The following PRRC2C variants were observed in gnomAD, a reference collection of about 807,000 sequenced individuals.
PRRC2C encodes protein PRRC2C.
In PRRC2C, 72 loss-of-function variants were observed where a neutral mutation model predicts 317.2. The observed-to-expected ratio is 0.23, with a 90% CI of 0.19 to 0.28. PRRC2C has a LOEUF of 0.28. Among genes scored for constraint, PRRC2C ranks in the 10% least tolerant of loss-of-function variants. PRRC2C has a pLI of 1.00. For synonymous variants in PRRC2C, 1,296 were observed against 1,205.9 expected (o/e 1.07, Z -1.55); for missense variants, 3,074 against 3,459.7 (o/e 0.89, Z 2.80).
At chr1:171,585,687 A>G (rs905980450) in intron 30 of PRRC2C, among the ~76,000 whole-genome samples, 28 of 152,318 alleles carry the variant, frequency 1.8e-4, no homozygotes, top group African/African-American at 6.5e-4. Flanking sequence ...ATTATTTGAC[A>G]TGTCCTGTGG....
At chr1:171,486,545 G>A (rs1418088922) in intron 1 of PRRC2C, among the ~76,000 whole-genome samples, 1 of 152,092 alleles carries the variant, frequency 6.6e-6, no homozygotes, top group Non-Finnish European at 1.5e-5. Context: ...TTAATTTAAA[G>A]GGATGTATGT....
chr1:171,524,753 G>T, intron 9 of PRRC2C, 68 bp from the exon 10 acceptor site: 4 of 1,406,368 alleles, frequency 2.8e-6, no homozygotes, highest in African/African-American at 1.5e-5. Context: ...TTTTTTAATT[G>T]CAAAAATAAT....
At chr1:171,533,596 G>A (rs1384368968) in intron 12 of PRRC2C, among the ~76,000 whole-genome samples, 6 of 151,978 alleles carry the variant, frequency 3.9e-5, no homozygotes, top group East Asian at 3.9e-4. Context: ...CAGGGTTTTC[G>A]TTTTTTGTTT....
chr1:171,507,400 C>G (rs1285911784), intron 1 of PRRC2C, among the ~76,000 whole-genome samples: 2 of 152,126 alleles, frequency 1.3e-5, no homozygotes, highest in Non-Finnish European at 2.9e-5. Context: ...CACCTGAGAT[C>G]AGGAGTTCAA....
At position 171,512,570 on chromosome 1, in the gene PRRC2C, G is replaced by GCT. The variant is rs531569414; in HGVS notation, c.112+370_112+371insCT. The GCT allele has an allele frequency of 2.4e-5, 6 of 251,884 alleles. 1 individual carries two copies. The highest frequency in any genetic ancestry group is 9.2e-5 in the African/African-American group (4 of 43,690). The allele number at this position is 251,884 out of a possible 1,614,324, so 15.6% of individuals were successfully genotyped here. A position where few individuals can be genotyped will look rare whatever the true frequency, so the allele number is the denominator to read the frequency against. On this transcript the variant is annotated intron_variant, in intron 2 of 34. Transcript: ENST00000647382. ...GAAAGTCTTATGTTTCGTGTGTGGG[G>GCT]GTGTGTGTGTGTGTGTGTTAGATAC... is the stretch of plus-strand genomic sequence containing the variant.
At position 171,540,661 on chromosome 1, in the gene PRRC2C, A is replaced by G. The variant is rs759725331; in HGVS notation, c.3195A>G (p.Pro1065=). The part of the protein sequence containing the change: ...TEKKDLPPPP[P]PPQPPAPIQP... ...AGAAGGATCTTCCTCCTCCCCCACC[A>G]CCACCTCAGCCACCAGCACCAATTC... Residue 1065 remains proline (P), a synonymous_variant, in exon 16 of 35, where the codon CCA becomes CCG. Coordinates refer to ENST00000647382, the MANE Select transcript of PRRC2C (RefSeq NM_001387844.1). The G allele has an allele frequency of 3.8e-5, 61 of 1,613,758 alleles. No homozygotes were observed. In the South Asian group the frequency reaches 6.7e-4, roughly 18 times the overall value.
intron 1 of PRRC2C, among the ~76,000 whole-genome samples, chr1:171,488,165 A>G (rs1666467980): frequency 6.6e-6 from 1 of 152,210 alleles, no homozygotes; most frequent in African/African-American, 2.4e-5. Flanking sequence ...TTTGGATGCT[A>G]TTTATGTCAT....
chr1:171,566,969 AAAG>A (rs1683778194), intron 22 of PRRC2C, 126 bp downstream of exon 22: 2 of 1,080,078 alleles, frequency 1.9e-6, no homozygotes, highest in Non-Finnish European at 2.5e-6. Context: ...TTATTTCCGC[AAAG>A]AAGATTTTGT....
chr1:171,545,733 A>ATTTATTTG, intron 17 of PRRC2C, 46 bp downstream of exon 17: 1 of 1,111,474 alleles, frequency 9.0e-7, no homozygotes, highest in Non-Finnish European at 1.2e-6. Flanking sequence ...TTATTTATTT[A>ATTTATTTG]TTTATTTATT....
intron 1 of PRRC2C, among the ~76,000 whole-genome samples, chr1:171,506,592 A>G (rs1328200072): frequency 8.9e-6 from 1 of 112,446 alleles, no homozygotes; most frequent in Non-Finnish European, 1.7e-5. Context: ...CTTAAGGTTC[A>G]CTTAAGGTCT....
chr1:171,533,873 C>G (rs538586168), intron 12 of PRRC2C, among the ~76,000 whole-genome samples: 3 of 152,180 alleles, frequency 2.0e-5, no homozygotes, highest in African/African-American at 4.8e-5. Flanking sequence ...CTGCCTGCCT[C>G]GGCCTCCCAA....
chr1:171,486,869 A>G (rs948958175), intron 1 of PRRC2C, among the ~76,000 whole-genome samples: 4 of 152,230 alleles, frequency 2.6e-5, no homozygotes, highest in Admixed American at 6.5e-5. Flanking sequence ...TTCACCTCCC[A>G]TATTGGTAAT....
intron 24 of PRRC2C, 95 bp from the exon 25 acceptor site, chr1:171,574,832 T>C: frequency 8.6e-7 from 1 of 1,162,820 alleles, no homozygotes; most frequent in Non-Finnish European, 1.2e-6. Flanking sequence ...TTTTGAAAGA[T>C]TATATTTGGC....
chr1:171,514,988 GTCCCCAACATC>G (rs1672070874), intron 4 of PRRC2C, among the ~76,000 whole-genome samples: 2 of 152,138 alleles, frequency 1.3e-5, no homozygotes, highest in Non-Finnish European at 2.9e-5. Flanking sequence ...TTTCATCTAT[GTCCCCAACATC>G]TCCTGTTTCA....
intron 20 of PRRC2C, 137 bp from the exon 21 acceptor site, chr1:171,566,096 A>G (rs534804520): frequency 1.5e-6 from 1 of 677,496 alleles, no homozygotes; most frequent in African/African-American, 1.8e-5. Flanking sequence ...ATTATCCTAA[A>G]ATATAATTAA....
chr1:171,562,657 G>A (rs1269682627), intron 20 of PRRC2C, among the ~76,000 whole-genome samples: 1 of 152,136 alleles, frequency 6.6e-6, no homozygotes, highest in East Asian at 1.9e-4. Flanking sequence ...TTGAACAGTA[G>A]GAAATACTAG....
chr1:171,513,967 T>G (rs1046470562), intron 3 of PRRC2C, among the ~76,000 whole-genome samples: 1 of 152,198 alleles, frequency 6.6e-6, no homozygotes, highest in African/African-American at 2.4e-5. Context: ...CTTAACTACT[T>G]TCTTATTTTT....
intron 6 of PRRC2C, among the ~76,000 whole-genome samples, chr1:171,518,570 T>C (rs1201802317): frequency 2.2e-5 from 3 of 138,038 alleles, no homozygotes; most frequent in Non-Finnish European, 4.6e-5. Flanking sequence ...TGATCTCAGC[T>C]CACTGCACCC....
At chr1:171,566,918 TCTG>T in intron 22 of PRRC2C, 75 bp downstream of exon 22, 1 of 1,469,362 alleles carries the variant, frequency 6.8e-7, no homozygotes, top group African/African-American at 1.4e-5. Flanking sequence ...ACAGCAACAG[TCTG>T]CTTTTTTTTT....
Sources: allele counts gnomAD v4.1 joint callset (sites outside exome capture counted in the v4.1 genomes callset), GRCh38; gene constraint gnomAD v4.1.1; transcripts MANE v1.5; gene names NCBI Gene and HGNC (gene_info 2026-07-23, HGNC 2026-07-21).